PPP2R1A: variants seen among roughly 807,000 people sequenced by gnomAD.
PPP2R1A encodes the protein protein phosphatase 2 scaffold subunit Aalpha.
Under a neutral mutation model 67.1 loss-of-function variants are expected in PPP2R1A, and 15 were observed. The observed-to-expected ratio is 0.22, with a 90% confidence interval of 0.15 to 0.34. PPP2R1A has a LOEUF of 0.34. Ranked by LOEUF, PPP2R1A falls within the 10% of genes least tolerant of loss-of-function variation. The pLI is 1.00. For missense variants in PPP2R1A, 369 were observed against 775.0 expected, an observed-to-expected ratio of 0.48 and a Z score of 6.22; for synonymous variants, 337 against 325.0, an observed-to-expected ratio of 1.04 and a Z score of -0.40.
intron 1 of PPP2R1A, among the ~76,000 whole-genome samples, chr19:52,199,210 A>G (rs1455702852): frequency 3.3e-5 from 5 of 152,050 alleles, no homozygotes; most frequent in African/African-American, 9.7e-5. Context: ...TCTGTCACCC[A>G]GGCTGGAGTG....
intron 1 of PPP2R1A, among the ~76,000 whole-genome samples, chr19:52,193,546 G>A (rs1031418641): frequency 6.6e-6 from 1 of 152,130 alleles, no homozygotes; most frequent in Non-Finnish European, 1.5e-5. Flanking sequence ...AAAATTGCTG[G>A]ACGTGGTGGC....
chr19:52,219,641 G>A lies in PPP2R1A; in HGVS notation c.1129-50G>A. ...GCTGAGCTCTTTCCATCCTGTCCTGGGTTGCTGTGTGCATTGCATTCTCTC... is the reference window on the plus strand; with the variant it reads ...GCTGAGCTCTTTCCATCCTGTCCTGAGTTGCTGTGTGCATTGCATTCTCTC... On this transcript the variant is annotated intron_variant, in intron 9 of 14. Transcript: ENST00000322088. The surrounding 1 kb of genome is among the most constrained non-coding windows in gnomAD (Gnocchi z 4.0). 1.3e-6 allele frequency: 2 copies of A among 1,544,616 alleles called. No individual in the cohort carries two copies. Among genetic ancestry groups the A allele is most frequent in the Non-Finnish European group, 1.8e-6 (2 of 1,129,810 alleles).
chr19:52,204,627 C>T lies in PPP2R1A; in HGVS notation c.170-1336C>T, dbSNP rs142615197. ...GATAAAGATGAATAAGAATTGAGTC[C>T]GTGGATACGCATAAGGTCTTCAGGA... On this transcript the variant is annotated intron_variant, in intron 2 of 14. Coordinates refer to ENST00000322088, the MANE Select transcript of PPP2R1A (RefSeq NM_014225.6). Among the ~76,000 whole-genome samples the T allele has an allele frequency of 3.0e-3, 455 of 152,180 alleles. 4 individuals are homozygous for T. The highest frequency in any genetic ancestry group is 0.017 in the Middle Eastern group (5 of 294).
Position 52,216,666 on chromosome 19 carries a change from A to G in PPP2R1A, c.1128+3A>G, listed in dbSNP as rs779333703. 6 of 1,614,104 alleles carry G rather than the reference A, an allele frequency of 3.7e-6. No individual in the cohort carries two copies. The South Asian group carries it at 6.6e-5, about 18-fold the overall frequency. On this transcript the variant is annotated splice_donor_region_variant and intron_variant, in intron 9 of 14. Coordinates refer to ENST00000322088, the MANE Select transcript of PPP2R1A (RefSeq NM_014225.6). The surrounding 1 kb of genome is among the most constrained non-coding windows in gnomAD (Gnocchi z 4.3). ...TCCTGGCTCAGCTGAAGGATGAGGT[A>G]AGGGCACCAGGATCTCAGCTCTGGG...
intron 3 of PPP2R1A, among the ~76,000 whole-genome samples, chr19:52,209,057 TTGGTCCATGCTGGGA>T (rs1448029436): frequency 3.3e-5 from 5 of 152,190 alleles, no homozygotes; most frequent in Non-Finnish European, 5.9e-5. Flanking sequence ...TCTGATTGTT[TTGGTCCATGCTGGGA>T]TAGGCCTCCG....
intron 2 of PPP2R1A, among the ~76,000 whole-genome samples, chr19:52,204,671 G>A (rs1238261378): frequency 6.6e-6 from 1 of 152,174 alleles, no homozygotes; most frequent in Non-Finnish European, 1.5e-5. Context: ...AAACAGGGAG[G>A]GTGGTTTTAA....
chr19:52,197,540 T>G (rs2089507509), intron 1 of PPP2R1A, among the ~76,000 whole-genome samples: 1 of 152,090 alleles, frequency 6.6e-6, no homozygotes, highest in Non-Finnish European at 1.5e-5. Flanking sequence ...CTGGGCTTGG[T>G]GACACCTGCC....
In PPP2R1A at chr19:52,225,595, C is replaced by T. The variant is rs1979203928; in HGVS notation, c.1662-122C>T. ...GTGCCCTGGATTCTTGAGACTCCTC[C>T]CACCTTGGGTTTGGTGTATCCGTGT... On this transcript the variant is annotated intron_variant, in intron 13 of 14. Transcript: ENST00000322088. 5.0e-6 allele frequency: 4 copies of T among 795,194 alleles called. No individual in the cohort carries two copies. The South Asian group carries it at 6.6e-5, about 13-fold the overall frequency. 49.3% of individuals were successfully genotyped at this position (795,194 alleles called of 1,614,324 possible).
chr19:52,201,409 C>T (rs1014820716), intron 1 of PPP2R1A: 13 of 152,416 alleles, frequency 8.5e-5, no homozygotes, highest in African/African-American at 2.9e-4. Flanking sequence ...GGCTTTAAAT[C>T]CTGCTCCATG....
chr19:52,217,963 G>A, intron 9 of PPP2R1A, among the ~76,000 whole-genome samples: 1 of 152,106 alleles, frequency 6.6e-6, no homozygotes, highest in East Asian at 1.9e-4. Context: ...AAGTGAGGTG[G>A]CCAGCAGCAG....
At chr19:52,218,419 C>T (rs373666767) in intron 9 of PPP2R1A, among the ~76,000 whole-genome samples, 4 of 151,948 alleles carry the variant, frequency 2.6e-5, no homozygotes, top group African/African-American at 4.8e-5. Context: ...GAAAAGAGTG[C>T]GCTATTTTTA....
intron 6 of PPP2R1A, 88 bp from the exon 7 acceptor site, chr19:52,215,691 C>T: frequency 9.3e-7 from 1 of 1,071,526 alleles, no homozygotes; most frequent in Non-Finnish European, 1.4e-6. Context: ...TCCCCTAATT[C>T]TGGTGCCTTC....
At chr19:52,194,088 C>CAAAAAAAAAAAAAAAAAAAAAAAAAAAAA (rs915576804) in intron 1 of PPP2R1A, among the ~76,000 whole-genome samples, 10 of 60,508 alleles carry the variant, frequency 1.7e-4, no homozygotes, top group Admixed American at 4.0e-4. Context: ...ACCCTGTCTC[C>CAAAAAAAAAAAAAAAAAAAAAAAAAAAAA]AAAAAAAAAA....
chr19:52,191,122 A>G (rs1326829724), intron 1 of PPP2R1A: 3 of 152,172 alleles, frequency 2.0e-5, no homozygotes, highest in Non-Finnish European at 4.4e-5. Flanking sequence ...CGGCCTCCCA[A>G]AGTGTTGGAA....
At chr19:52,194,930 A>G (rs2089484703) in intron 1 of PPP2R1A, among the ~76,000 whole-genome samples, 1 of 152,160 alleles carries the variant, frequency 6.6e-6, no homozygotes, top group Admixed American at 6.5e-5. Context: ...TGGGTTGGGA[A>G]TACACTGGGC....
intron 9 of PPP2R1A, among the ~76,000 whole-genome samples, chr19:52,217,569 G>T (rs77984874): frequency 6.6e-6 from 1 of 152,178 alleles, no homozygotes; most frequent in African/African-American, 2.4e-5. Flanking sequence ...GTCCCATGAT[G>T]CCATTAAGGT....
rs1212291335 is a variant in PPP2R1A, at chr19:52,212,096, T to C, written c.504-590T>C. Among the ~76,000 whole-genome samples, 2 of 152,264 alleles carry C rather than the reference T, an allele frequency of 1.3e-5. No homozygotes were observed. The highest frequency in any genetic ancestry group is 2.9e-5 in the Non-Finnish European group (2 of 68,048). On this transcript the variant is annotated intron_variant, in intron 4 of 14. Coordinates refer to ENST00000322088, the MANE Select transcript of PPP2R1A (RefSeq NM_014225.6). This position sits in a 1 kb window ranked among gnomAD's most constrained non-coding sequence, Gnocchi z 4.1. ...TTAGTTAAGCAGTTTTTTGTTTGTTTGTTTTTTGAGATAGGATCTCGCTCT... is the reference window on the plus strand; with the variant it reads ...TTAGTTAAGCAGTTTTTTGTTTGTTCGTTTTTTGAGATAGGATCTCGCTCT...
In PPP2R1A at chr19:52,213,168, G is replaced by A. The variant is rs2122339769; in HGVS notation, c.807+58G>A. 6.7e-7 allele frequency: 1 copy of A among 1,496,756 alleles called. No individual in the cohort carries two copies. The highest frequency in any genetic ancestry group is 8.8e-7 in the Non-Finnish European group (1 of 1,130,548). 92.7% of individuals were successfully genotyped at this position (1,496,756 alleles called of 1,614,324 possible). The stretch of plus-strand genomic sequence containing the variant: ...GTGGGGACACTGACACTCTCAGAAG[G>A]GAAGCATATAGGAGCTGAGGTTTCC... On this transcript the variant is annotated intron_variant, in intron 6 of 14. Coordinates refer to ENST00000322088, the MANE Select transcript of PPP2R1A (RefSeq NM_014225.6). This position sits in a 1 kb window ranked among gnomAD's most constrained non-coding sequence, Gnocchi z 4.2.
intron 6 of PPP2R1A, among the ~76,000 whole-genome samples, chr19:52,214,975 C>T (rs1179741062): frequency 6.6e-6 from 1 of 152,214 alleles, no homozygotes; most frequent in Non-Finnish European, 1.5e-5. Flanking sequence ...ATCCACCCAC[C>T]TCTGTCTCCC....
Sources: gnomAD v4.1 joint callset for allele counts (sites outside exome capture counted in the v4.1 genomes callset) on GRCh38, gnomAD v4.1.1 for gene constraint, Gnocchi (gnomAD v3.1) non-coding constraint, MANE v1.5 for transcripts, NCBI Gene and HGNC (gene_info 2026-07-23, HGNC 2026-07-21) for gene names.